ZNF621: variants seen among roughly 807,000 people sequenced by gnomAD.
ZNF621 encodes zinc finger protein 621.
ZNF621 carries 6 observed loss-of-function variants against 12.7 expected under a neutral mutation model. The observed-to-expected ratio is 0.47, with a 90% CI of 0.26 to 0.93. ZNF621 has a LOEUF of 0.93. Ranked by LOEUF, ZNF621 falls within the 40% of genes least tolerant of loss-of-function variation. The pLI, the probability that ZNF621 is intolerant of heterozygous loss-of-function variation, is 0.15. For synonymous variants in ZNF621, 156 were observed against 190.3 expected (o/e 0.82, Z 1.48); for missense variants, 474 against 524.0 (o/e 0.90, Z 0.93).
chr3:40,531,357 A>G (rs1698721853), intron 4 of ZNF621, among the ~76,000 whole-genome samples: 1 of 151,822 alleles, frequency 6.6e-6, no homozygotes, highest in Admixed American at 6.6e-5. Context: ...CTCTCTTTAA[A>G]CATTTTTCAC....
At position 40,525,794 on chromosome 3, in the gene ZNF621, CT is replaced by C; in HGVS notation, c.-45del. On this transcript the variant is annotated 5_prime_UTR_variant, in exon 2 of 5. Transcript: ENST00000339296. ...TTTCTCTTAGCTCTTGAGGATCTTG[CT>C]TGTCCAAACCCAGAAGACAGTGCAT... 1 of 1,614,136 alleles carries C rather than the reference CT, an allele frequency of 6.2e-7. No homozygotes were observed. The highest frequency in any genetic ancestry group is 8.5e-7 in the Non-Finnish European group (1 of 1,180,008).
chr3:40,532,808 G>A lies in ZNF621; in HGVS notation c.1038G>A (p.Lys346=), dbSNP rs1698765527. The A allele has an allele frequency of 6.2e-7, 1 of 1,614,192 alleles. No homozygotes were observed. Among genetic ancestry groups the A allele is most frequent in the East Asian group, 2.2e-5 (1 of 44,882 alleles). The part of the protein sequence containing the change: ...QHQKLHPVEK[K]PVKVLGPSLV... ...AGAAATTGCACCCTGTGGAGAAGAA[G>A]CCAGTCAAGGTCCTTGGGCCATCCC... The change falls in exon 5 of 5, where the codon AAG becomes AAA. Residue 346 remains lysine (K), a synonymous_variant. Transcript: ENST00000339296.
At position 40,535,731 on chromosome 3, in the gene ZNF621, G is replaced by A. The variant is rs1446355380; in HGVS notation, c.*2641G>A. On this transcript the variant is annotated 3_prime_UTR_variant, in exon 5 of 5. Coordinates refer to ENST00000339296, the MANE Select transcript of ZNF621 (RefSeq NM_198484.5). ...GGGAAGAGAGTCATAGTATGAAGAA[G>A]TCTGAAAATGGGGAAGGGATTTTCA... 1.3e-5 allele frequency: 2 copies of A among 152,154 alleles called. No individual in the cohort carries two copies. Among genetic ancestry groups the A allele is most frequent in the Non-Finnish European group, 2.9e-5 (2 of 68,034 alleles). The allele number at this position is 152,154 out of a possible 1,614,324, so 9.4% of individuals were successfully genotyped here.
chr3:40,532,159 AG>A lies in ZNF621; in HGVS notation c.391del (p.Ala131HisfsTer2). 6.2e-7 allele frequency: 1 copy of A among 1,614,220 alleles called. No individual in the cohort carries two copies. Among genetic ancestry groups the A allele is most frequent in the Non-Finnish European group, 8.5e-7 (1 of 1,180,042 alleles). On this transcript the variant is annotated frameshift_variant, in exon 5 of 5. Coordinates refer to ENST00000339296, the MANE Select transcript of ZNF621 (RefSeq NM_198484.5). LOFTEE classifies it low-confidence loss of function (END_TRUNC). ...TCTCAGCACTTTGATTTTAAAAGGA[AG>A]GCACTGAAGCAGACTTTCAATCTAA... ...NVSQHFDFKR[K>X]ALKQTFNLNP...
At chr3:40,529,481 G>T (rs760730723) in intron 3 of ZNF621, 36 bp downstream of exon 3, 1 of 1,610,238 alleles carries the variant, frequency 6.2e-7, no homozygotes. Flanking sequence ...GTAACAGTTT[G>T]CTATCTTCCT....
At chr3:40,525,958 T>A (rs1698572236) in intron 2 of ZNF621, 94 bp downstream of exon 2, 1 of 1,464,858 alleles carries the variant, frequency 6.8e-7, no homozygotes, top group African/African-American at 1.4e-5. Context: ...GAGGAAGGCC[T>A]AACTTGGCCA....
chr3:40,532,857 C>T lies in ZNF621; in HGVS notation c.1087C>T (p.Pro363Ser), dbSNP rs893171946. The T allele has an allele frequency of 1.2e-6, 2 of 1,612,858 alleles. No individual in the cohort carries two copies. The highest frequency in any genetic ancestry group is 8.5e-7 in the Non-Finnish European group (1 of 1,179,378). Residue 363 changes from proline (P) to serine (S), a missense_variant, in exon 5 of 5, where the codon CCA (proline) becomes TCA (serine). Physicochemically the swap from Pro to Ser is moderately conservative, Grantham distance 74 (BLOSUM62 -1). Transcript: ENST00000339296. ...CCTGGTCAGTCCCCAGTGCTCCTCT[C>T]CAGCCATACCTCCTGTTCTTCTCCA... ...PSLVSPQCSS[P>S]AIPPVLLQGS...
upstream of ZNF621, among the ~76,000 whole-genome samples, chr3:40,524,265 A>C (rs1173689513): frequency 6.6e-6 from 1 of 152,220 alleles, no homozygotes; most frequent in Non-Finnish European, 1.5e-5. Flanking sequence ...CCAGTTACTG[A>C]GCAGAAAAAT....
intron 2 of ZNF621, among the ~76,000 whole-genome samples, chr3:40,527,228 G>A (rs1027363491): frequency 6.6e-6 from 1 of 152,072 alleles, no homozygotes; most frequent in Admixed American, 6.6e-5. Context: ...ATGTTGGTCA[G>A]CTGATCTCGA....
At chr3:40,526,458 C>T (rs780128920) in intron 2 of ZNF621, among the ~76,000 whole-genome samples, 15 of 152,226 alleles carry the variant, frequency 9.9e-5, no homozygotes, top group Non-Finnish European at 1.6e-4. Context: ...AGGCATGAGC[C>T]ACCGCACTAG....
In ZNF621 at chr3:40,525,560, A is replaced by C. The variant is rs963504893; in HGVS notation, c.-62-219A>C. Reference sequence around the variant, plus strand: ...TTTACCCGTACGAATGGGCTCAAAAAAAGCTCTTCGGACTGAGCAGGCAGG... The same window carrying C: ...TTTACCCGTACGAATGGGCTCAAAACAAGCTCTTCGGACTGAGCAGGCAGG... On this transcript the variant is annotated intron_variant, in intron 1 of 4. Transcript: ENST00000339296. 19 of 600,844 alleles carry C rather than the reference A, an allele frequency of 3.2e-5. 1 individual carries two copies. The African/African-American group carries it at 3.5e-4, about 11-fold the overall frequency. 37.2% of individuals were successfully genotyped at this position (600,844 alleles called of 1,614,324 possible). A position where few individuals can be genotyped will look rare whatever the true frequency, so the allele number is the denominator to read the frequency against.
chr3:40,530,256 G>A lies in ZNF621; in HGVS notation c.199G>A (p.Gly67Arg). The change falls in exon 4 of 5, where the codon GGG becomes AGG. Residue 67 changes from glycine to arginine, a missense_variant. By Grantham distance (125) the Gly-to-Arg change is moderately radical (BLOSUM62 -2). Transcript: ENST00000339296. ...KPALISHLER[G>R]EAPWGPDPWD... Reference sequence around the variant, plus strand: ...TGCTCTGATCTCCCACCTGGAGAGAGGGGAAGCACCATGGGGCCCAGATCC... The same window carrying A: ...TGCTCTGATCTCCCACCTGGAGAGAAGGGAAGCACCATGGGGCCCAGATCC... 4 of 1,614,006 alleles carry A rather than the reference G, an allele frequency of 2.5e-6. No homozygotes were observed. The highest frequency in any genetic ancestry group is 2.5e-6 in the Non-Finnish European group (3 of 1,179,974).
In ZNF621 at chr3:40,534,204, A is replaced by T. The variant is rs1698806977; in HGVS notation, c.*1114A>T. The T allele has an allele frequency of 6.6e-6, 1 of 152,194 alleles. No homozygotes were observed. The highest frequency in any genetic ancestry group is 2.4e-5 in the African/African-American group (1 of 41,410). The allele number at this position is 152,194 out of a possible 1,614,324, so 9.4% of individuals were successfully genotyped here. On this transcript the variant is annotated 3_prime_UTR_variant, in exon 5 of 5. Transcript: ENST00000339296. ...ATTTAATTACTAAAGAAATAAAAAT[A>T]ATGGTGTAAAGCCAACTCGAGGGGA...
Position 40,532,534 on chromosome 3 carries a change from G to A in ZNF621, c.764G>A (p.Arg255Lys). 1 of 1,614,166 alleles carries A rather than the reference G, an allele frequency of 6.2e-7. No homozygotes were observed. The highest frequency in any genetic ancestry group is 1.3e-5 in the African/African-American group (1 of 75,026). ...RRSAAYLQHQ[R>K]LHTGEKLYKC... ...AGTGCGGCATACCTGCAGCATCAGA[G>A]ATTACACACGGGAGAGAAACTCTAT... The change falls in exon 5 of 5, where the codon AGA becomes AAA. Residue 255 changes from arginine (R) to lysine (K), a missense_variant. Transcript: ENST00000339296.
rs1250598698 is a variant in ZNF621, at chr3:40,530,163, C to T, written c.152-46C>T. 4 of 1,529,590 alleles carry T rather than the reference C, an allele frequency of 2.6e-6. No individual in the cohort carries two copies. The African/African-American group carries it at 4.1e-5, about 16-fold the overall frequency. 94.8% of individuals were successfully genotyped at this position (1,529,590 alleles called of 1,614,324 possible). A position where few individuals can be genotyped will look rare whatever the true frequency, so the allele number is the denominator to read the frequency against. ...GGGCTGAGAAAGATCCCAGGAATAG[C>T]TCTGGACGTCTCCCCTCAATTTGTC... On this transcript the variant is annotated intron_variant, in intron 3 of 4. Transcript: ENST00000339296.
intron 2 of ZNF621, among the ~76,000 whole-genome samples, chr3:40,528,039 T>C (rs1303474793): frequency 6.6e-6 from 1 of 152,232 alleles, no homozygotes; most frequent in Non-Finnish European, 1.5e-5. Context: ...TAGTTTACAT[T>C]AGGGTTCACT....
Position 40,537,330 on chromosome 3 carries a change from A to C in ZNF621, c.*4240A>C, listed in dbSNP as rs558105143. The C allele has an allele frequency of 7.9e-5, 12 of 152,390 alleles. No individual in the cohort carries two copies. The highest frequency in any genetic ancestry group is 2.6e-4 in the African/African-American group (11 of 41,582). The allele number at this position is 152,390 out of a possible 1,614,324, so 9.4% of individuals were successfully genotyped here. On this transcript the variant is annotated 3_prime_UTR_variant, in exon 5 of 5. Coordinates refer to ENST00000339296, the MANE Select transcript of ZNF621 (RefSeq NM_198484.5). ...GAACGATAATAAAGTGGCCAGGTGC[A>C]GTGGCTGACACCTAGAATCCCAGCA... is the stretch of plus-strand genomic sequence containing the variant.
At position 40,534,993 on chromosome 3, in the gene ZNF621, C is replaced by T. The variant is rs796432915; in HGVS notation, c.*1903C>T. 5.3e-5 allele frequency: 8 copies of T among 152,330 alleles called. No homozygotes were observed. Among genetic ancestry groups the T allele is most frequent in the African/African-American group, 1.9e-4 (8 of 41,566 alleles). The allele number at this position is 152,330 out of a possible 1,614,324, so 9.4% of individuals were successfully genotyped here. A position where few individuals can be genotyped will look rare whatever the true frequency, so the allele number is the denominator to read the frequency against. On this transcript the variant is annotated 3_prime_UTR_variant, in exon 5 of 5. Transcript: ENST00000339296. ...ACAATTTTTGGAGTCCACTTAACTC[C>T]CCTGCTTTCCTAGGCCACTACTTTA...
Position 40,530,087 on chromosome 3 carries a change from C to T in ZNF621, c.152-122C>T, listed in dbSNP as rs1181797404. On this transcript the variant is annotated intron_variant, in intron 3 of 4. Transcript: ENST00000339296. Reference sequence around the variant, plus strand: ...GTTTGGACCTCCTTGTCAGAACTCTCACTTGGTCTGCTGGTGTTCAATTTC... The same window carrying T: ...GTTTGGACCTCCTTGTCAGAACTCTTACTTGGTCTGCTGGTGTTCAATTTC... The T allele has an allele frequency of 3.1e-5, 22 of 707,210 alleles. 1 individual carries two copies. The highest frequency in any genetic ancestry group is 2.5e-4 in the South Asian group (13 of 52,976). The allele number at this position is 707,210 out of a possible 1,614,324, so 43.8% of individuals were successfully genotyped here.
Sources: gnomAD v4.1 joint callset for allele counts (sites outside exome capture counted in the v4.1 genomes callset) on GRCh38, gnomAD v4.1.1 for gene constraint, MANE v1.5 for transcripts, NCBI Gene and HGNC (gene_info 2026-07-23, HGNC 2026-07-21) for gene names.